The following LYPLA1 variants were observed in gnomAD, a reference collection of about 807,000 sequenced individuals.
LYPLA1 encodes the protein acyl-protein thioesterase 1.
Under a neutral mutation model 34.0 loss-of-function variants are expected in LYPLA1, and 17 were observed. The ratio of observed to expected loss-of-function variants is 0.50; its 90% CI spans 0.34 to 0.75. The LOEUF is 0.75. Among genes scored for constraint, LYPLA1 ranks in the 30% least tolerant of loss-of-function variants. The pLI, the probability that LYPLA1 is intolerant of heterozygous loss-of-function variation, is 0.01. For synonymous variants in LYPLA1, 98 were observed against 100.8 expected, an observed-to-expected ratio of 0.97 and a Z score of 0.17; for missense variants, 203 against 288.8, an observed-to-expected ratio of 0.70 and a Z score of 2.15.
intron 2 of LYPLA1, among the ~76,000 whole-genome samples, chr8:54,094,870 A>C (rs1214158548): frequency 6.6e-6 from 1 of 152,234 alleles, no homozygotes; most frequent in Non-Finnish European, 1.5e-5. Flanking sequence ...GCATCAAAAT[A>C]AATAACTAAC....
intron 3 of LYPLA1, among the ~76,000 whole-genome samples, 183 bp downstream of exon 3, chr8:54,065,565 G>GAGA (rs1376605027): frequency 6.6e-6 from 1 of 151,208 alleles, no homozygotes; most frequent in African/African-American, 2.4e-5. Flanking sequence ...AAGAGAAAAA[G>GAGA]AAAAAAATCA....
At chr8:54,099,452 TG>T (rs946296770) in intron 2 of LYPLA1, among the ~76,000 whole-genome samples, 4 of 152,006 alleles carry the variant, frequency 2.6e-5, no homozygotes, top group African/African-American at 9.7e-5. Context: ...CTCAGGTGGG[TG>T]GATCATTTGA....
At chr8:54,052,969 C>A (rs1805950841) in intron 6 of LYPLA1, 1 of 480,900 alleles carries the variant, frequency 2.1e-6, no homozygotes, top group African/African-American at 1.9e-5. Context: ...TCCTTTCCGA[C>A]GAGACATAGT....
chr8:54,059,058 G>A (rs1301725623), intron 5 of LYPLA1, among the ~76,000 whole-genome samples: 1 of 152,180 alleles, frequency 6.6e-6, no homozygotes, highest in Non-Finnish European at 1.5e-5. Context: ...CAACTCTATT[G>A]TTAGGACAGA....
chr8:54,044,028 A>G (rs947863407), downstream of LYPLA1, among the ~76,000 whole-genome samples: 5 of 152,070 alleles, frequency 3.3e-5, no homozygotes, highest in African/African-American at 1.2e-4. Context: ...AGTAGCTGGG[A>G]TTACAGGTGC....
At chr8:54,087,574 A>C (rs1808898277) in intron 2 of LYPLA1, among the ~76,000 whole-genome samples, 1 of 152,262 alleles carries the variant, frequency 6.6e-6, no homozygotes, top group Admixed American at 6.5e-5. Flanking sequence ...AAAAGGGTGC[A>C]AAGACACCCC....
chr8:54,085,755 CAGTT>C (rs905299899), intron 2 of LYPLA1, among the ~76,000 whole-genome samples: 2 of 126,130 alleles, frequency 1.6e-5, no homozygotes, highest in Non-Finnish European at 3.3e-5. Context: ...GCCGCCCCGT[CAGTT>C]AGGTGGGGGG....
intron 2 of LYPLA1, among the ~76,000 whole-genome samples, chr8:54,085,846 C>A (rs531893647): frequency 8.1e-6 from 1 of 122,948 alleles, no homozygotes; most frequent in East Asian, 2.8e-4. Flanking sequence ...CCGCCCCGTC[C>A]GCGAGGTGGG....
At chr8:54,081,115 G>C (rs1192154901) in intron 2 of LYPLA1, among the ~76,000 whole-genome samples, 1 of 152,124 alleles carries the variant, frequency 6.6e-6, no homozygotes, top group Non-Finnish European at 1.5e-5. Flanking sequence ...GTACTCACTA[G>C]TTTCTACCCC....
In LYPLA1 at chr8:54,065,795, G is replaced by A; in HGVS notation, c.120C>T (p.Ala40=). ...LGDTGHGWAE[A]FAGIRSSHIK... is the part of the protein sequence containing the mutation. ...TATGTGAACTTCTGATACCTGCAAA[G>A]GCTTCTGCCCATCCGTGCCTGGTGG... is the stretch of plus-strand genomic sequence containing the variant. The change falls in exon 3 of 9, where the codon GCC becomes GCT. Residue 40 remains alanine, a synonymous_variant. Transcript: ENST00000316963. 2 of 1,613,864 alleles carry A rather than the reference G, an allele frequency of 1.2e-6. No individual in the cohort carries two copies. The highest frequency in any genetic ancestry group is 1.1e-5 in the South Asian group (1 of 91,078).
At chr8:54,079,494 C>G (rs1019046137) in intron 2 of LYPLA1, among the ~76,000 whole-genome samples, 7 of 152,098 alleles carry the variant, frequency 4.6e-5, no homozygotes, top group Admixed American at 4.6e-4. Context: ...GCAAAGGTAT[C>G]CAAGCAGCAT....
At chr8:54,051,244 G>C (rs1287866424) in intron 7 of LYPLA1, 56 bp from the exon 8 acceptor site, 2 of 1,400,630 alleles carry the variant, frequency 1.4e-6, no homozygotes, top group African/African-American at 2.9e-5. Flanking sequence ...AGGACACTAT[G>C]CCAGGCATTT....
intron 5 of LYPLA1, among the ~76,000 whole-genome samples, chr8:54,058,792 C>A (rs932789868): frequency 6.6e-6 from 1 of 151,226 alleles, no homozygotes; most frequent in Non-Finnish European, 1.5e-5. Context: ...TGGTTTTGAA[C>A]CCCTGGGCTC....
In LYPLA1 at chr8:54,081,972, C is replaced by T. The variant is rs558204097; in HGVS notation, c.102-16159G>A. Among the ~76,000 whole-genome samples, 503 of 152,020 alleles carry T rather than the reference C, an allele frequency of 3.3e-3. 2 individuals are homozygous for T. Among genetic ancestry groups the T allele is most frequent in the Non-Finnish European group, 5.6e-3 (381 of 67,954 alleles). ...CCTGAACTCCTGACCTCAGGTGATC[C>T]GCCCGCCTCCACCTCCCAAAGTGCT... is the stretch of plus-strand genomic sequence containing the variant. On this transcript the variant is annotated intron_variant, in intron 2 of 8. Transcript: ENST00000316963.
intron 2 of LYPLA1, among the ~76,000 whole-genome samples, chr8:54,084,978 CCCTCTCCCTCCTCTCCCTCCTCTT>C (rs915972067): frequency 2.0e-5 from 3 of 148,382 alleles, no homozygotes; most frequent in African/African-American, 7.9e-5. Flanking sequence ...CTCTCCCTCT[CCCTCTCCCTCCTCTCCCTCCTCTT>C]CCTCTCCCTC....
At chr8:54,101,699 C>T in intron 1 of LYPLA1, 56 bp downstream of exon 1, 2 of 1,240,424 alleles carry the variant, frequency 1.6e-6, no homozygotes, top group East Asian at 3.4e-5. Context: ...GCGCGAGGGG[C>T]AACCACCGGT....
chr8:54,090,499 T>C (rs993307291), intron 2 of LYPLA1, among the ~76,000 whole-genome samples: 3 of 152,224 alleles, frequency 2.0e-5, no homozygotes. Flanking sequence ...ATACAAATGT[T>C]ATGTTAAAGA....
intron 2 of LYPLA1, among the ~76,000 whole-genome samples, chr8:54,078,300 C>T (rs984724527): frequency 6.6e-6 from 1 of 152,148 alleles, no homozygotes; most frequent in Non-Finnish European, 1.5e-5. Flanking sequence ...TAATCCAATA[C>T]AATTTTCAAA....
intron 2 of LYPLA1, among the ~76,000 whole-genome samples, chr8:54,066,966 C>A (rs575157207): frequency 5.5e-4 from 84 of 152,066 alleles, no homozygotes; most frequent in African/African-American, 1.8e-3. Context: ...GTCCAGAGTT[C>A]GAGACCAGCC....
Sources: gnomAD v4.1 joint callset for allele counts (sites outside exome capture counted in the v4.1 genomes callset) on GRCh38, gnomAD v4.1.1 for gene constraint, MANE v1.5 for transcripts, NCBI Gene and HGNC (gene_info 2026-07-23, HGNC 2026-07-21) for gene names.